Variants in TAS2R1 observed in about 807,000 individuals in gnomAD.
TAS2R1 encodes taste receptor type 2 member 1.
For missense variants in TAS2R1, 370 were observed against 353.4 expected, an observed-to-expected ratio of 1.05 and a Z score of -0.38; for synonymous variants, 141 against 134.2, an observed-to-expected ratio of 1.05 and a Z score of -0.35.
At chr5:9,879,068 A>C in the TAS2R1 span, among the ~76,000 whole-genome samples, 2 of 152,258 alleles carry the variant, frequency 1.3e-5, no homozygotes, top group African/African-American at 4.8e-5. Context: ...TTTCCACAGC[A>C]GGGCTGGGAC....
chr5:9,808,105 C>T, the TAS2R1 span, among the ~76,000 whole-genome samples: 1 of 152,088 alleles, frequency 6.6e-6, no homozygotes, highest in East Asian at 1.9e-4. Context: ...CATGAAAGGA[C>T]TACTAAAGGG....
the TAS2R1 span, among the ~76,000 whole-genome samples, chr5:9,737,890 T>C: frequency 2.6e-5 from 4 of 152,184 alleles, no homozygotes; most frequent in African/African-American, 9.7e-5. Flanking sequence ...GGCTAAACTC[T>C]GTCACTGGTG....
intron 1 of TAS2R1, among the ~76,000 whole-genome samples, chr5:9,702,630 T>C (rs1741514556): frequency 6.6e-6 from 1 of 152,034 alleles, no homozygotes; most frequent in African/African-American, 2.4e-5. Context: ...AGCAAATACG[T>C]TTGAGGTTGA....
chr5:9,812,296 TATA>T, the TAS2R1 span, among the ~76,000 whole-genome samples: 396 of 152,086 alleles, frequency 2.6e-3, no homozygotes, highest in Non-Finnish European at 4.3e-3. Context: ...AGAGTATACA[TATA>T]ATAATATTAT....
the TAS2R1 span, among the ~76,000 whole-genome samples, chr5:9,864,860 C>G: frequency 6.6e-6 from 1 of 152,082 alleles, no homozygotes; most frequent in Non-Finnish European, 1.5e-5. Flanking sequence ...GGAAGACCCT[C>G]TGGAAAGGGA....
chr5:9,673,963 T>G (rs1468618693), intron 1 of TAS2R1, among the ~76,000 whole-genome samples: 1 of 152,184 alleles, frequency 6.6e-6, no homozygotes. Context: ...TGCTCCAGCC[T>G]CTGCCTAAGC....
chr5:9,732,581 G>A, the TAS2R1 span, among the ~76,000 whole-genome samples: 1 of 152,176 alleles, frequency 6.6e-6, no homozygotes, highest in African/African-American at 2.4e-5. Context: ...TTCCATAGCA[G>A]GGTGGATGGT....
the TAS2R1 span, among the ~76,000 whole-genome samples, chr5:9,891,254 C>T: frequency 6.6e-6 from 1 of 152,056 alleles, no homozygotes; most frequent in African/African-American, 2.4e-5. Flanking sequence ...CAGCCATCTT[C>T]TATTAAGCAG....
intron 1 of TAS2R1, among the ~76,000 whole-genome samples, chr5:9,704,363 G>GA (rs5865850): frequency 0.012 from 1,708 of 148,042 alleles, 20 homozygotes; most frequent in African/African-American, 0.036. Flanking sequence ...GCTCCACTGA[G>GA]AAAAAAAAAA....
the TAS2R1 span, among the ~76,000 whole-genome samples, chr5:9,895,781 C>G: frequency 1.3e-5 from 2 of 152,216 alleles, no homozygotes; most frequent in African/African-American, 4.8e-5. Context: ...TCTGTGTGTG[C>G]CTTTCCACTG....
chr5:9,759,895 G>T, the TAS2R1 span, among the ~76,000 whole-genome samples: 1 of 152,074 alleles, frequency 6.6e-6, no homozygotes, highest in South Asian at 2.1e-4. Flanking sequence ...AAGTGGTTTA[G>T]AGAAAACAAA....
At chr5:9,704,380 A>G (rs1406523482) in intron 1 of TAS2R1, among the ~76,000 whole-genome samples, 1 of 151,834 alleles carries the variant, frequency 6.6e-6, no homozygotes, top group East Asian at 1.9e-4. Flanking sequence ...AAAAAATCAG[A>G]TATTACAAAT....
intron 1 of TAS2R1, among the ~76,000 whole-genome samples, chr5:9,697,325 T>A (rs1287154471): frequency 6.6e-6 from 1 of 152,164 alleles, no homozygotes; most frequent in Non-Finnish European, 1.5e-5. Context: ...TAGAGGTAGA[T>A]CATTTTATAG....
chr5:9,839,401 G>T, the TAS2R1 span, among the ~76,000 whole-genome samples: 1 of 152,142 alleles, frequency 6.6e-6, no homozygotes, highest in Admixed American at 6.5e-5. Context: ...ACAACCTTTA[G>T]TCTTTTATAA....
the TAS2R1 span, among the ~76,000 whole-genome samples, chr5:9,763,374 G>C: frequency 6.6e-6 from 1 of 151,966 alleles, no homozygotes; most frequent in Non-Finnish European, 1.5e-5. Context: ...ATAGTGGTGC[G>C]CGCCTGTAGT....
chr5:9,644,113 C>T (rs1249617072), intron 2 of TAS2R1, among the ~76,000 whole-genome samples: 1 of 152,162 alleles, frequency 6.6e-6, no homozygotes, highest in Non-Finnish European at 1.5e-5. Context: ...TCACCCTCAA[C>T]TGAATGGGAA....
the TAS2R1 span, among the ~76,000 whole-genome samples, chr5:9,807,618 T>C: frequency 5.6e-4 from 86 of 152,214 alleles, no homozygotes; most frequent in African/African-American, 1.9e-3. Context: ...CTGAATAGAA[T>C]TGGAGATGGA....
the TAS2R1 span, among the ~76,000 whole-genome samples, chr5:9,840,426 T>C: frequency 6.6e-6 from 1 of 152,178 alleles, no homozygotes; most frequent in Non-Finnish European, 1.5e-5. Flanking sequence ...TTTTAGTTAT[T>C]CATATCTTAT....
chr5:9,716,037 A>G (rs1374199175), upstream of TAS2R1, among the ~76,000 whole-genome samples: 2 of 152,004 alleles, frequency 1.3e-5, no homozygotes, highest in Non-Finnish European at 2.9e-5. Context: ...TGGAGAGAGG[A>G]CTCTCTAGCT....
Sources: allele counts gnomAD v4.1 joint callset (sites outside exome capture counted in the v4.1 genomes callset), GRCh38; gene constraint gnomAD v4.1.1; transcripts MANE v1.5; gene names NCBI Gene and HGNC (gene_info 2026-07-23, HGNC 2026-07-21).